The following SLC4A10 variants were observed in gnomAD, a reference collection of about 807,000 sequenced individuals.
SLC4A10 encodes the protein sodium-driven chloride bicarbonate exchanger.
In SLC4A10, 42 loss-of-function variants were observed where a neutral mutation model predicts 137.7. The ratio of observed to expected loss-of-function variants is 0.30; its 90% CI spans 0.24 to 0.39. SLC4A10 has a LOEUF of 0.39. Ranked by LOEUF, SLC4A10 falls within the 10% of genes least tolerant of loss-of-function variation. SLC4A10 has a pLI of 1.00. For missense variants in SLC4A10, 925 were observed against 1,355.0 expected (o/e 0.68, Z 4.98); for synonymous variants, 474 against 464.1 (o/e 1.02, Z -0.27).
intron 11 of SLC4A10, 71 bp from the exon 12 acceptor site, chr2:161,900,838 CTG>C: frequency 3.8e-6 from 4 of 1,059,470 alleles, no homozygotes; most frequent in Non-Finnish European, 5.4e-6. Flanking sequence ...GAAAAATGAA[CTG>C]TTATTATTAT....
intron 2 of SLC4A10, among the ~76,000 whole-genome samples, chr2:161,773,630 G>A (rs570465170): frequency 4.0e-4 from 60 of 151,894 alleles, no homozygotes; most frequent in African/African-American, 1.4e-3. Context: ...TCTGAGTACA[G>A]GTTGTAGAAA....
intron 1 of SLC4A10, among the ~76,000 whole-genome samples, chr2:161,641,758 G>T (rs2105492317): frequency 6.6e-6 from 1 of 152,092 alleles, no homozygotes; most frequent in East Asian, 1.9e-4. Context: ...ATCCAGTAAA[G>T]ACCATTTGTG....
chr2:161,658,868 G>A (rs1322438202), intron 1 of SLC4A10, among the ~76,000 whole-genome samples: 1 of 152,010 alleles, frequency 6.6e-6, no homozygotes, highest in Admixed American at 6.6e-5. Flanking sequence ...CAGGATTACA[G>A]GCATGAGCCA....
intron 9 of SLC4A10, among the ~76,000 whole-genome samples, chr2:161,880,398 A>G (rs1397577220): frequency 2.0e-5 from 3 of 152,162 alleles, no homozygotes; most frequent in East Asian, 3.8e-4. Flanking sequence ...ATATTCTACA[A>G]CTATGGAACA....
chr2:161,632,512 G>C (rs1223481740), intron 1 of SLC4A10, among the ~76,000 whole-genome samples: 1 of 151,572 alleles, frequency 6.6e-6, no homozygotes, highest in African/African-American at 2.4e-5. Flanking sequence ...GCATAACCAT[G>C]TACTTTGTAG....
Position 161,964,140 on chromosome 2 carries a change from T to G in SLC4A10, c.2868T>G (p.Phe956Leu), listed in dbSNP as rs372522554. The change falls in exon 22 of 27, where the codon TTT becomes TTG. Residue 956 changes from phenylalanine (F) to leucine (L), a missense_variant. By Grantham distance (22) the Phe-to-Leu change is conservative. Coordinates refer to ENST00000446997, the MANE Select transcript of SLC4A10 (RefSeq NM_001178015.2). ...TAGTCTGTTTAATCTTTTAGTTCTTTGATAGGATAAAGCTCTTCTGGATGC... is the reference window on the plus strand; with the variant it reads ...TAGTCTGTTTAATCTTTTAGTTCTTGGATAGGATAAAGCTCTTCTGGATGC... ...GASSLKGIQFFDRIKLFWMPA... is the reference protein window; with the variant it reads ...GASSLKGIQFLDRIKLFWMPA... The G allele has an allele frequency of 6.3e-7, 1 of 1,599,412 alleles. No individual in the cohort carries two copies. The highest frequency in any genetic ancestry group is 1.3e-5 in the African/African-American group (1 of 74,384).
chr2:161,658,888 G>A (rs1574159974), intron 1 of SLC4A10, among the ~76,000 whole-genome samples: 1 of 152,168 alleles, frequency 6.6e-6, no homozygotes, highest in East Asian at 1.9e-4. Context: ...ACCGAGCCTG[G>A]CCAGTTTTGT....
intron 1 of SLC4A10, among the ~76,000 whole-genome samples, chr2:161,647,767 A>G (rs957182657): frequency 2.0e-5 from 3 of 152,200 alleles, no homozygotes; most frequent in Admixed American, 6.5e-5. Context: ...ACACTTAAAC[A>G]TAGGTAATTT....
chr2:161,897,329 A>G (rs1326811478), intron 11 of SLC4A10, among the ~76,000 whole-genome samples: 1 of 151,704 alleles, frequency 6.6e-6, no homozygotes, highest in Non-Finnish European at 1.5e-5. Context: ...GCCTCCCACA[A>G]CCCTCCCAAA....
chr2:161,864,213 GT>G (rs1167263101), intron 6 of SLC4A10, among the ~76,000 whole-genome samples: 1 of 151,722 alleles, frequency 6.6e-6, no homozygotes, highest in Non-Finnish European at 1.5e-5. Context: ...AAAAAAAAAA[GT>G]TTCCAGTTCT....
intron 3 of SLC4A10, among the ~76,000 whole-genome samples, chr2:161,807,245 A>G (rs998526096): frequency 1.3e-5 from 2 of 152,116 alleles, no homozygotes; most frequent in Admixed American, 1.3e-4. Flanking sequence ...ACACAACCAA[A>G]CCATATCAAA....
chr2:161,872,654 C>A (rs1559431374), intron 7 of SLC4A10, among the ~76,000 whole-genome samples: 1 of 150,964 alleles, frequency 6.6e-6, no homozygotes, highest in African/African-American at 2.4e-5. Flanking sequence ...AAAAGAATAA[C>A]TGGGCTTCAC....
intron 2 of SLC4A10, 89 bp downstream of exon 2, chr2:161,771,143 C>A: frequency 1.0e-6 from 1 of 955,566 alleles, no homozygotes; most frequent in Non-Finnish European, 1.6e-6. Flanking sequence ...TGAAGAATTG[C>A]AAAAGTTGGT....
intron 3 of SLC4A10, among the ~76,000 whole-genome samples, chr2:161,815,826 G>T (rs2057003785): frequency 6.6e-6 from 1 of 152,094 alleles, no homozygotes; most frequent in African/African-American, 2.4e-5. Context: ...TTGGAAATAA[G>T]TCGGGTGGCC....
In SLC4A10 at chr2:161,898,611, G is replaced by A. The variant is rs1437918255; in HGVS notation, c.1342-2300G>A. 5.3e-5 allele frequency among the ~76,000 whole-genome samples: 8 copies of A among 152,094 alleles called. No homozygotes were observed. In the East Asian group the frequency reaches 1.5e-3, roughly 29 times the overall value. On this transcript the variant is annotated intron_variant, in intron 11 of 26. Transcript: ENST00000446997. Reference sequence around the variant, plus strand: ...AATATTTTTTCCCTTTCAGTTAAGAGAAGAATAACCTGTCACCTCCAGGGA... The same window carrying A: ...AATATTTTTTCCCTTTCAGTTAAGAAAAGAATAACCTGTCACCTCCAGGGA...
At chr2:161,808,213 A>G (rs1010061476) in intron 3 of SLC4A10, among the ~76,000 whole-genome samples, 4 of 151,984 alleles carry the variant, frequency 2.6e-5, no homozygotes, top group Middle Eastern at 6.8e-3. Flanking sequence ...CACTTATTTA[A>G]ATTCTTTCTT....
intron 3 of SLC4A10, among the ~76,000 whole-genome samples, chr2:161,821,450 C>G (rs1667595): frequency 6.6e-6 from 1 of 152,170 alleles, no homozygotes; most frequent in African/African-American, 2.4e-5. Flanking sequence ...TCCATCAACA[C>G]AGGAGAAATA....
intron 15 of SLC4A10, among the ~76,000 whole-genome samples, chr2:161,914,018 A>T (rs998532208): frequency 1.3e-5 from 2 of 152,214 alleles, no homozygotes; most frequent in Non-Finnish European, 2.9e-5. Context: ...ATGCTAAATG[A>T]ATGCTTAGAG....
chr2:161,789,248 C>T lies in SLC4A10; in HGVS notation c.131-15201C>T, dbSNP rs1027224529. On this transcript the variant is annotated intron_variant, in intron 2 of 26. Coordinates refer to ENST00000446997, the MANE Select transcript of SLC4A10 (RefSeq NM_001178015.2). ...CTGGGATTTCAAGGGCAGAGGGGTTCTCTGACAATTTGTCAGTCAGCAGTT... is the reference window on the plus strand; with the variant it reads ...CTGGGATTTCAAGGGCAGAGGGGTTTTCTGACAATTTGTCAGTCAGCAGTT... Among the ~76,000 whole-genome samples the T allele has an allele frequency of 2.6e-5, 4 of 152,192 alleles. No individual in the cohort carries two copies. In the East Asian group the frequency reaches 7.7e-4, roughly 29 times the overall value.
Sources: allele counts gnomAD v4.1 joint callset (sites outside exome capture counted in the v4.1 genomes callset), GRCh38; gene constraint gnomAD v4.1.1; transcripts MANE v1.5; gene names NCBI Gene and HGNC (gene_info 2026-07-23, HGNC 2026-07-21).